Variants in DMD observed in about 807,000 individuals in gnomAD.
The protein encoded by DMD is dystrophin.
DMD carries 63 observed loss-of-function variants against 330.1 expected under a neutral mutation model. The observed-to-expected ratio is 0.19, with a 90% CI of 0.16 to 0.24. DMD has a LOEUF of 0.24. Ranked by LOEUF, DMD falls within the 10% of genes least tolerant of loss-of-function variation. The probability of loss-of-function intolerance (pLI) is 1.00; values close to 1 mark genes in which losing one functional copy is unlikely to be tolerated. For synonymous variants in DMD, 1,223 were observed against 959.8 expected (o/e 1.27, Z -5.07); for missense variants, 3,344 against 2,684.1 (o/e 1.25, Z -5.43).
intron 1 of DMD, among the ~76,000 whole-genome samples, chrX:33,120,569 T>C (rs1405232031): frequency 9.0e-6 from 1 of 111,482 alleles, no homozygotes; most frequent in Non-Finnish European, 1.9e-5. Context: ...GGATCTTGTT[T>C]ATTTCTCTCC....
intron 2 of DMD, among the ~76,000 whole-genome samples, chrX:32,859,260 G>C (rs748234803): frequency 2.1e-4 from 23 of 110,388 alleles, no homozygotes; most frequent in Non-Finnish European, 4.2e-4. Flanking sequence ...TTAAGGTCAG[G>C]AGTTCGAGAC....
intron 63 of DMD, among the ~76,000 whole-genome samples, chrX:31,225,635 A>T (rs2046507256): frequency 8.9e-6 from 1 of 111,876 alleles, no homozygotes; most frequent in Non-Finnish European, 1.9e-5. Context: ...CAAACATCAG[A>T]ATCACCTGGA....
At chrX:32,878,148 G>A (rs2083527603) in intron 2 of DMD, among the ~76,000 whole-genome samples, 1 of 111,854 alleles carries the variant, frequency 8.9e-6, no homozygotes, top group Non-Finnish European at 1.9e-5. Context: ...GGCCGAGGAG[G>A]GCGGATCACG....
intron 60 of DMD, among the ~76,000 whole-genome samples, chrX:31,378,186 A>G (rs1377443435): frequency 9.0e-6 from 1 of 111,308 alleles, no homozygotes; most frequent in African/African-American, 3.3e-5. Context: ...TGGTGCCATC[A>G]CTCGGATCAG....
At chrX:32,223,690 A>G (rs1309045284) in intron 43 of DMD, among the ~76,000 whole-genome samples, 1 of 111,874 alleles carries the variant, frequency 8.9e-6, no homozygotes, top group Non-Finnish European at 1.9e-5. Flanking sequence ...ACCAAGTAAC[A>G]TTGTGTGAAA....
intron 29 of DMD, among the ~76,000 whole-genome samples, chrX:32,413,062 A>C (rs1212068061): frequency 1.8e-5 from 2 of 110,451 alleles, no homozygotes; most frequent in Non-Finnish European, 3.8e-5. Context: ...CTGTACCATA[A>C]ATTTTGACTC....
At chrX:33,113,357 T>G (rs1294570274) in intron 1 of DMD, among the ~76,000 whole-genome samples, 3 of 111,386 alleles carry the variant, frequency 2.7e-5, no homozygotes, top group Non-Finnish European at 5.6e-5. Flanking sequence ...GTGCCCGGCC[T>G]CAACATTACT....
At chrX:31,542,680 T>A (rs1342246270) in intron 55 of DMD, among the ~76,000 whole-genome samples, 2 of 112,125 alleles carry the variant, frequency 1.8e-5, no homozygotes, top group Non-Finnish European at 1.9e-5. Flanking sequence ...CCAGGCATCA[T>A]GCATTCACCA....
At chrX:32,342,763 G>T in intron 40 of DMD, 3 of 328,191 alleles carry the variant, frequency 9.1e-6, no homozygotes, top group Non-Finnish European at 1.1e-5. Context: ...TATAGAGAGT[G>T]AACACTGATG....
At chrX:31,966,062 T>C (rs1486058532) in intron 45 of DMD, among the ~76,000 whole-genome samples, 3 of 111,616 alleles carry the variant, frequency 2.7e-5, no homozygotes, top group Non-Finnish European at 3.8e-5. Flanking sequence ...ATGTTAAATA[T>C]TTCTAACCGC....
chrX:32,452,395 G>A lies in DMD; in HGVS notation c.3603+2267C>T, dbSNP rs183603531. On this transcript the variant is annotated intron_variant, in intron 26 of 78. Coordinates refer to ENST00000357033, the MANE Select transcript of DMD (RefSeq NM_004006.3). The stretch of plus-strand genomic sequence containing the variant: ...GGAAAGGGAAAGGGAAAGGGAAAGG[G>A]AAGGGAAAGGAAAGGGAAAGGGAAA... Among the ~76,000 whole-genome samples the A allele has an allele frequency of 0.029, 304 of 10,539 alleles. 58 individuals carry two copies. The highest frequency in any genetic ancestry group is 0.083 in the African/African-American group (279 of 3,363). The allele number at this position is 10,539 out of a possible 115,157, so 9.2% of individuals were successfully genotyped here. A position where few individuals can be genotyped will look rare whatever the true frequency, so the allele number is the denominator to read the frequency against.
chrX:32,585,490 A>G (rs753985002), intron 13 of DMD, among the ~76,000 whole-genome samples: 63 of 109,303 alleles, frequency 5.8e-4, no homozygotes, highest in South Asian at 5.2e-3. Flanking sequence ...TCACGAGGTC[A>G]GGAGATCAAG....
intron 13 of DMD, among the ~76,000 whole-genome samples, chrX:32,593,211 G>T (rs940009431): frequency 8.9e-6 from 1 of 112,398 alleles, no homozygotes; most frequent in Non-Finnish European, 1.9e-5. Context: ...AGGATCCCAT[G>T]ACACTTACAT....
rs2032467383 is a variant in DMD at position 31,121,325 on chromosome X, T to TAGAGGAAGTCTTATCTTTAATATGCAAA, written c.*566_*593dup. ...GTGTAGTAGTCATTTGGTGTGGTGG[T>TAGAGGAAGTCTTATCTTTAATATGCAAA]AGAGGAAGTCTTATCTTTAATATGC... On this transcript the variant is annotated 3_prime_UTR_variant, in exon 79 of 79. Transcript: ENST00000357033. 1 of 119,136 alleles carries TAGAGGAAGTCTTATCTTTAATATGCAAA rather than the reference T, an allele frequency of 8.4e-6. No homozygotes were observed. The highest frequency in any genetic ancestry group is 3.3e-5 in the African/African-American group (1 of 30,589). 9.8% of individuals were successfully genotyped at this position (119,136 alleles called of 1,213,427 possible).
At chrX:32,453,400 A>G (rs1029359877) in intron 26 of DMD, among the ~76,000 whole-genome samples, 1 of 110,970 alleles carries the variant, frequency 9.0e-6, no homozygotes, top group Non-Finnish European at 1.9e-5. Context: ...ATACACACAT[A>G]ATATTTATAC....
intron 55 of DMD, among the ~76,000 whole-genome samples, chrX:31,590,448 G>A (rs1257098713): frequency 9.0e-6 from 1 of 111,662 alleles, no homozygotes. Context: ...TTCTTGTTAA[G>A]TTGCGAAGTA....
chrX:33,058,460 A>AT (rs2094543744), intron 1 of DMD, among the ~76,000 whole-genome samples: 1 of 70,683 alleles, frequency 1.4e-5, no homozygotes, highest in Admixed American at 1.8e-4. Flanking sequence ...AATTTTGATT[A>AT]TTATTATTTT....
chrX:32,644,379 T>C, intron 10 of DMD, 66 bp from the exon 11 acceptor site: 1 of 1,108,261 alleles, frequency 9.0e-7, no homozygotes, highest in South Asian at 1.9e-5. Context: ...TTTTGAGTTT[T>C]ATTTGTTTGC....
At chrX:32,971,242 G>A (rs1167074049) in intron 2 of DMD, among the ~76,000 whole-genome samples, 2 of 111,801 alleles carry the variant, frequency 1.8e-5, no homozygotes, top group African/African-American at 6.5e-5. Flanking sequence ...GATTACAAGC[G>A]TGAGCCACCG....
Sources: gnomAD v4.1 joint callset for allele counts (sites outside exome capture counted in the v4.1 genomes callset) on GRCh38, gnomAD v4.1.1 for gene constraint, MANE v1.5 for transcripts, NCBI Gene and HGNC (gene_info 2026-07-23, HGNC 2026-07-21) for gene names.